Variants in KCNMB4 observed in about 807,000 individuals in gnomAD.
KCNMB4 encodes calcium-activated potassium channel subunit beta-4.
KCNMB4 carries 3 observed loss-of-function variants against 20.7 expected under a neutral mutation model. The observed-to-expected ratio is 0.14, with a 90% CI of 0.07 to 0.37. The LOEUF (loss-of-function observed/expected upper bound fraction) is 0.37, where lower values mean the gene tolerates loss of function less well. KCNMB4 is among the 10% of genes least tolerant of loss of function. KCNMB4 has a pLI of 1.00. For synonymous variants in KCNMB4, 110 were observed against 113.4 expected, an observed-to-expected ratio of 0.97 and a Z score of 0.19; for missense variants, 168 against 265.9, an observed-to-expected ratio of 0.63 and a Z score of 2.56.
chr12:70,419,145 A>C (rs187407456), intron 2 of KCNMB4, among the ~76,000 whole-genome samples: 2 of 152,324 alleles, frequency 1.3e-5, no homozygotes, highest in African/African-American at 4.8e-5. Flanking sequence ...GATGTTTAAG[A>C]ATTAATTCCT....
rs1319460555 is a variant in KCNMB4, at chr12:70,366,684, G to C, written c.-51G>C. 1 of 1,325,464 alleles carries C rather than the reference G, an allele frequency of 7.5e-7. No homozygotes were observed. The highest frequency in any genetic ancestry group is 9.7e-7 in the Non-Finnish European group (1 of 1,025,956). The allele number at this position is 1,325,464 out of a possible 1,614,324, so 82.1% of individuals were successfully genotyped here. A position where few individuals can be genotyped will look rare whatever the true frequency, so the allele number is the denominator to read the frequency against. On this transcript the variant is annotated 5_prime_UTR_variant, in exon 1 of 3. Coordinates refer to ENST00000258111, the MANE Select transcript of KCNMB4 (RefSeq NM_014505.6). ...GCCCGAGGCAGTCGGGCTCGGCGCC[G>C]GGGGCGGGAGGGGGCGGGGGGAGCA...
At chr12:70,422,990 G>T in intron 2 of KCNMB4, 1 of 339,648 alleles carries the variant, frequency 2.9e-6, no homozygotes, top group Admixed American at 5.3e-5. Flanking sequence ...TTAATCAGTA[G>T]GAAAACATTT....
intron 2 of KCNMB4, among the ~76,000 whole-genome samples, chr12:70,425,439 A>G (rs942015958): frequency 1.4e-4 from 21 of 152,318 alleles, no homozygotes; most frequent in Middle Eastern, 3.4e-3. Flanking sequence ...CCCCATCTCA[A>G]AAAAACAAAA....
chr12:70,425,843 T>TA (rs1428858828), intron 2 of KCNMB4, among the ~76,000 whole-genome samples: 3 of 152,226 alleles, frequency 2.0e-5, no homozygotes, highest in Non-Finnish European at 4.4e-5. Context: ...ATTTGATATT[T>TA]AAAAAGCATT....
intron 1 of KCNMB4, among the ~76,000 whole-genome samples, chr12:70,368,418 AC>A (rs1433188077): frequency 6.6e-6 from 1 of 152,092 alleles, no homozygotes; most frequent in African/African-American, 2.4e-5. Context: ...ATATTGATTT[AC>A]CTTAAAAAAT....
chr12:70,383,157 C>G (rs1244949321), intron 1 of KCNMB4, among the ~76,000 whole-genome samples: 2 of 152,196 alleles, frequency 1.3e-5, no homozygotes, highest in Non-Finnish European at 2.9e-5. Flanking sequence ...CTGTACTAAT[C>G]AGATCATAAC....
intron 2 of KCNMB4, among the ~76,000 whole-genome samples, chr12:70,424,252 G>T (rs943112486): frequency 7.2e-5 from 11 of 152,158 alleles, no homozygotes; most frequent in Non-Finnish European, 1.5e-4. Flanking sequence ...GATAAGGGAA[G>T]ATCCAAGAAA....
At chr12:70,418,998 A>C (rs1868981822) in intron 2 of KCNMB4, among the ~76,000 whole-genome samples, 1 of 152,174 alleles carries the variant, frequency 6.6e-6, no homozygotes, top group South Asian at 2.1e-4. Context: ...GTTTTGTCTT[A>C]ATCAGTGAAG....
intron 1 of KCNMB4, among the ~76,000 whole-genome samples, chr12:70,391,307 A>G (rs970749684): frequency 1.7e-4 from 23 of 135,958 alleles, no homozygotes; most frequent in Non-Finnish European, 2.8e-4. Context: ...TTTATTTATT[A>G]TTATTTTTTT....
intron 1 of KCNMB4, among the ~76,000 whole-genome samples, chr12:70,386,186 T>C (rs1363501232): frequency 6.6e-6 from 1 of 152,128 alleles, no homozygotes; most frequent in African/African-American, 2.4e-5. Flanking sequence ...AAAAACCTTT[T>C]TCAGACAGTC....
intron 1 of KCNMB4, among the ~76,000 whole-genome samples, chr12:70,391,615 A>C (rs1304379510): frequency 1.3e-5 from 2 of 152,176 alleles, no homozygotes; most frequent in East Asian, 3.9e-4. Flanking sequence ...CTATGTTCAC[A>C]AATTCTGTGG....
Position 70,422,976 on chromosome 12 carries a change from C to T in KCNMB4, c.465-7509C>T, listed in dbSNP as rs1869107247. 10 of 376,234 alleles carry T rather than the reference C, an allele frequency of 2.7e-5. No homozygotes were observed. In the South Asian group the frequency reaches 5.9e-4, roughly 22 times the overall value. The allele number at this position is 376,234 out of a possible 1,614,324, so 23.3% of individuals were successfully genotyped here. The stretch of plus-strand genomic sequence containing the variant: ...ACTGGGCTGCATCTGAAGGGACGGT[C>T]ATCTTAATCAGTAGGAAAACATTTG... On this transcript the variant is annotated intron_variant, in intron 2 of 2. Coordinates refer to ENST00000258111, the MANE Select transcript of KCNMB4 (RefSeq NM_014505.6).
At chr12:70,414,159 G>C (rs1377584282) in intron 2 of KCNMB4, among the ~76,000 whole-genome samples, 1 of 152,132 alleles carries the variant, frequency 6.6e-6, no homozygotes, top group Non-Finnish European at 1.5e-5. Context: ...TTGAACCCGG[G>C]AGGCAGAGAT....
At chr12:70,414,876 A>G (rs1397601590) in intron 2 of KCNMB4, among the ~76,000 whole-genome samples, 1 of 152,208 alleles carries the variant, frequency 6.6e-6, no homozygotes, top group Non-Finnish European at 1.5e-5. Flanking sequence ...CAGTCTCATG[A>G]TTATTTTGAC....
chr12:70,423,434 A>G (rs535676203), intron 2 of KCNMB4, among the ~76,000 whole-genome samples: 8 of 152,206 alleles, frequency 5.3e-5, no homozygotes, highest in African/African-American at 1.9e-4. Context: ...GGAGCAAACC[A>G]TAATCTTGTT....
chr12:70,404,125 T>C (rs1407726639), intron 2 of KCNMB4, among the ~76,000 whole-genome samples: 1 of 152,204 alleles, frequency 6.6e-6, no homozygotes. Flanking sequence ...AAATAAGTTA[T>C]GTAATATGGA....
intron 1 of KCNMB4, among the ~76,000 whole-genome samples, chr12:70,381,555 A>T (rs1002696614): frequency 2.0e-5 from 3 of 152,262 alleles, no homozygotes; most frequent in African/African-American, 7.2e-5. Flanking sequence ...TGTAAAAAGA[A>T]TGAAGTGTTA....
chr12:70,420,060 G>C (rs1565866421), intron 2 of KCNMB4, among the ~76,000 whole-genome samples: 1 of 152,164 alleles, frequency 6.6e-6, no homozygotes. Flanking sequence ...GTAGATCTGA[G>C]TTATAAAATA....
intron 1 of KCNMB4, among the ~76,000 whole-genome samples, chr12:70,389,239 C>T (rs1868281067): frequency 6.6e-6 from 1 of 152,144 alleles, no homozygotes; most frequent in South Asian, 2.1e-4. Context: ...TAAGAATCAT[C>T]TCCCTTTTTT....
Sources: allele counts gnomAD v4.1 joint callset (sites outside exome capture counted in the v4.1 genomes callset), GRCh38; gene constraint gnomAD v4.1.1; transcripts MANE v1.5; gene names NCBI Gene and HGNC (gene_info 2026-07-23, HGNC 2026-07-21).